TELO2: variants seen among roughly 807,000 people sequenced by gnomAD.
TELO2 encodes the protein telomere maintenance 2, also known as telomere length regulation protein TEL2 homolog.
In TELO2, 71 loss-of-function variants were observed where a neutral mutation model predicts 91.0. The observed-to-expected ratio is 0.78, with a 90% CI of 0.64 to 0.95. The LOEUF (loss-of-function observed/expected upper bound fraction) is 0.95, where lower values mean the gene tolerates loss of function less well. TELO2 is among the 40% of genes least tolerant of loss of function. TELO2 has a pLI of 0.00. For missense variants in TELO2, 1,183 were observed against 1,141.3 expected (o/e 1.04, Z -0.53); for synonymous variants, 584 against 518.9 (o/e 1.13, Z -1.71).
At chr16:1,509,134 G>A (rs983038992) in intron 20 of TELO2, among the ~76,000 whole-genome samples, 6 of 152,178 alleles carry the variant, frequency 3.9e-5, no homozygotes, top group Non-Finnish European at 8.8e-5. Context: ...CGGTACCTGC[G>A]ACGTCATCAT....
At chr16:1,499,172 C>G in intron 5 of TELO2, 59 bp from the exon 6 acceptor site, 7 of 1,581,684 alleles carry the variant, frequency 4.4e-6, no homozygotes, top group Non-Finnish European at 6.1e-6. Flanking sequence ...AGTTCACGCT[C>G]TCGCTCCTCC....
intron 17 of TELO2, 194 bp downstream of exon 17, chr16:1,506,523 A>G (rs1274040609): frequency 6.9e-7 from 1 of 1,443,534 alleles, no homozygotes; most frequent in African/African-American, 1.4e-5. Flanking sequence ...GAGCTTTGCC[A>G]TGAGGCACCA....
chr16:1,496,715 G>A (rs759335970), intron 3 of TELO2, among the ~76,000 whole-genome samples: 6 of 152,196 alleles, frequency 3.9e-5, no homozygotes, highest in Non-Finnish European at 7.3e-5. Flanking sequence ...CCTACCCTGC[G>A]TGGCTGACCC....
At chr16:1,496,887 C>T in intron 3 of TELO2, 149 bp from the exon 4 acceptor site, 1 of 705,150 alleles carries the variant, frequency 1.4e-6, no homozygotes, top group Non-Finnish European at 2.5e-6. Flanking sequence ...TTCAGATTTG[C>T]TGGGTAGGCT....
chr16:1,501,497 G>A lies in TELO2; in HGVS notation c.1359G>A (p.Ala453=), dbSNP rs1375179658. Residue 453 remains alanine, a splice_region_variant and synonymous_variant, in exon 10 of 21, where the codon GCG becomes GCA. Coordinates refer to ENST00000262319, the MANE Select transcript of TELO2 (RefSeq NM_016111.4). ...PQPAGDGASE[A]GTSLVPATAE... is the part of the protein sequence containing the mutation. Reference sequence around the variant, plus strand: ...CTGCGGGTGACGGCGCCTCGGAGGCGGGGTGAGGGTCTCTGCCCCCCGGGA... The same window carrying A: ...CTGCGGGTGACGGCGCCTCGGAGGCAGGGTGAGGGTCTCTGCCCCCCGGGA... The A allele has an allele frequency of 2.2e-5, 35 of 1,607,314 alleles. No individual in the cohort carries two copies. Among genetic ancestry groups the A allele is most frequent in the Non-Finnish European group, 3.0e-5 (35 of 1,176,866 alleles).
At chr16:1,504,286 T>G (rs1459842480) in intron 15 of TELO2, among the ~76,000 whole-genome samples, 1 of 150,362 alleles carries the variant, frequency 6.7e-6, no homozygotes, top group African/African-American at 2.4e-5. Flanking sequence ...CACAAAAAAT[T>G]AGCTGGGCAT....
chr16:1,506,705 T>A, intron 17 of TELO2: 8 of 1,381,612 alleles, frequency 5.8e-6, no homozygotes, highest in Non-Finnish European at 7.5e-6. Flanking sequence ...GGGGCCTGGG[T>A]TGTGCTGCAG....
rs567092031 is a variant in TELO2 at position 1,494,045 on chromosome 16, A to C, written c.-36-201A>C. Among the ~76,000 whole-genome samples the C allele has an allele frequency of 7.3e-5, 11 of 151,590 alleles. No individual in the cohort carries two copies. The highest frequency in any genetic ancestry group is 1.4e-4 in the African/African-American group (6 of 41,394). On this transcript the variant is annotated intron_variant, in intron 1 of 20. Transcript: ENST00000262319. This position sits in a 1 kb window ranked among gnomAD's most constrained non-coding sequence, Gnocchi z 5.6. Reference sequence around the variant, plus strand: ...AGTGGCCCGGGTTGAGAAGCCCTGCAGTGGCTGGTAGCGTTGGGGTCCGAG... The same window carrying C: ...AGTGGCCCGGGTTGAGAAGCCCTGCCGTGGCTGGTAGCGTTGGGGTCCGAG...
At chr16:1,509,757 A>C (rs1398442983) in intron 20 of TELO2, 73 bp from the exon 21 acceptor site, 29 of 1,418,180 alleles carry the variant, frequency 2.0e-5, no homozygotes, top group Non-Finnish European at 2.4e-5. Context: ...TGGTTCAGGC[A>C]GACTGAAGAC....
chr16:1,498,299 G>T (rs1014588138), intron 5 of TELO2, among the ~76,000 whole-genome samples: 6 of 152,232 alleles, frequency 3.9e-5, no homozygotes, highest in Non-Finnish European at 8.8e-5. Context: ...ATAGGCGTGA[G>T]CCCCTGCACC....
chr16:1,500,546 C>T lies in TELO2; in HGVS notation c.1145-17C>T, dbSNP rs2039642499. ...GGGCGCCCCGAGGTGCTCAGGGGGC[C>T]TGTCCGGTGCTTGCAGAACTGCTGG... On this transcript the variant is annotated splice_polypyrimidine_tract_variant and intron_variant, in intron 8 of 20. Coordinates refer to ENST00000262319, the MANE Select transcript of TELO2 (RefSeq NM_016111.4). 4 of 1,611,044 alleles carry T rather than the reference C, an allele frequency of 2.5e-6. No homozygotes were observed. The highest frequency in any genetic ancestry group is 1.3e-5 in the African/African-American group (1 of 74,904).
intron 3 of TELO2, 43 bp from the exon 4 acceptor site, chr16:1,496,992 GC>G (rs781681256): frequency 5.1e-5 from 81 of 1,597,102 alleles, no homozygotes; most frequent in Non-Finnish European, 6.8e-5. Flanking sequence ...GTTCTTTTGT[GC>G]CTTCCCGCCG....
chr16:1,493,971 G>T lies in TELO2; in HGVS notation c.-36-275G>T, dbSNP rs972498467. Among the ~76,000 whole-genome samples, 1 of 152,214 alleles carries T rather than the reference G, an allele frequency of 6.6e-6. No homozygotes were observed. The highest frequency in any genetic ancestry group is 2.4e-5 in the African/African-American group (1 of 41,460). ...CATCTCTAGCCTCCACCTCCCTCTC[G>T]CGCCAGTGGCACTCCCGGTTGAGAC... On this transcript the variant is annotated intron_variant, in intron 1 of 20. Coordinates refer to ENST00000262319, the MANE Select transcript of TELO2 (RefSeq NM_016111.4). This position sits in a 1 kb window ranked among gnomAD's most constrained non-coding sequence, Gnocchi z 4.3.
chr16:1,500,567 G>A lies in TELO2; in HGVS notation c.1149G>A (p.Leu383=). ...GGGCCTGTCCGGTGCTTGCAGAACT[G>A]CTGGCCAGCATGATGGCGGGCGTGA... ...EPELRDSRDE[L]LASMMAGVKC... The change falls in exon 9 of 21, where the codon CTG becomes CTA. Residue 383 remains leucine (L), a synonymous_variant. Coordinates refer to ENST00000262319, the MANE Select transcript of TELO2 (RefSeq NM_016111.4). 1 of 1,611,820 alleles carries A rather than the reference G, an allele frequency of 6.2e-7. No individual in the cohort carries two copies. The highest frequency in any genetic ancestry group is 1.1e-5 in the South Asian group (1 of 90,960).
At position 1,505,172 on chromosome 16, in the gene TELO2, G is replaced by C. The variant is rs1391259204; in HGVS notation, c.1843-238G>C. 7 of 516,262 alleles carry C rather than the reference G, an allele frequency of 1.4e-5. No homozygotes were observed. Among genetic ancestry groups the C allele is most frequent in the Non-Finnish European group, 2.4e-5 (7 of 289,706 alleles). The allele number at this position is 516,262 out of a possible 1,614,324, so 32.0% of individuals were successfully genotyped here. ...GTGGCTTTAGGATGAGGCTGCGCTC[G>C]GCCCTGGGCGTGTTCTCATCTCCTG... On this transcript the variant is annotated intron_variant, in intron 15 of 20. Transcript: ENST00000262319. The surrounding 1 kb of genome is among the most constrained non-coding windows in gnomAD (Gnocchi z 4.3).
Position 1,510,036 on chromosome 16 carries a change from C to T in TELO2, c.*100C>T, listed in dbSNP as rs957382111. 6 of 1,028,242 alleles carry T rather than the reference C, an allele frequency of 5.8e-6. No homozygotes were observed. The highest frequency in any genetic ancestry group is 8.6e-6 in the Non-Finnish European group (6 of 695,728). The allele number at this position is 1,028,242 out of a possible 1,614,324, so 63.7% of individuals were successfully genotyped here. A position where few individuals can be genotyped will look rare whatever the true frequency, so the allele number is the denominator to read the frequency against. On this transcript the variant is annotated 3_prime_UTR_variant, in exon 21 of 21. Transcript: ENST00000262319. ...GCCAGGCTTTGTAGCGAGGCCAGGT[C>T]TTCGGCCGCATCCGGTACGGAGAGT...
intron 15 of TELO2, 90 bp downstream of exon 15, chr16:1,503,092 C>T (rs2039765506): frequency 1.4e-6 from 2 of 1,455,830 alleles, no homozygotes; most frequent in African/African-American, 1.4e-5. Flanking sequence ...TGTTGCTGGG[C>T]CCCAAGGGCT....
chr16:1,497,538 CT>C lies in TELO2; in HGVS notation c.830+31del. 6.5e-7 allele frequency: 1 copy of C among 1,531,110 alleles called. No individual in the cohort carries two copies. The highest frequency in any genetic ancestry group is 8.8e-7 in the Non-Finnish European group (1 of 1,140,814). The allele number at this position is 1,531,110 out of a possible 1,614,324, so 94.8% of individuals were successfully genotyped here. On this transcript the variant is annotated intron_variant, in intron 5 of 20. Coordinates refer to ENST00000262319, the MANE Select transcript of TELO2 (RefSeq NM_016111.4). The surrounding 1 kb of genome is among the most constrained non-coding windows in gnomAD (Gnocchi z 4.0). ...GCAGCCAGGCTGTCCTCCAGCTGCA[CT>C]GGCTTCTGGGGTCTGGACCCCCAGA...
Position 1,507,290 on chromosome 16 carries a change from C to G in TELO2, c.2227-16C>G, listed in dbSNP as rs199712247. 10 of 1,607,022 alleles carry G rather than the reference C, an allele frequency of 6.2e-6. No individual in the cohort carries two copies. In the East Asian group the frequency reaches 2.0e-4, roughly 32 times the overall value. On this transcript the variant is annotated splice_polypyrimidine_tract_variant and intron_variant, in intron 18 of 20. Coordinates refer to ENST00000262319, the MANE Select transcript of TELO2 (RefSeq NM_016111.4). Reference sequence around the variant, plus strand: ...GGCGTCGGGACCCCACTGACTGTCCCTCTGCTGGTGTCCAGGTGGCTGTGG... The same window carrying G: ...GGCGTCGGGACCCCACTGACTGTCCGTCTGCTGGTGTCCAGGTGGCTGTGG...
Sources: gnomAD v4.1 joint callset for allele counts (sites outside exome capture counted in the v4.1 genomes callset) on GRCh38, gnomAD v4.1.1 for gene constraint, Gnocchi (gnomAD v3.1) non-coding constraint, MANE v1.5 for transcripts, NCBI Gene and HGNC (gene_info 2026-07-23, HGNC 2026-07-21) for gene names.